Variants in PGM1 observed in about 807,000 individuals in gnomAD.
The protein encoded by PGM1 is phosphoglucomutase-1.
In PGM1, 52 loss-of-function variants were observed where a neutral mutation model predicts 55.6. The ratio of observed to expected loss-of-function variants is 0.94; its 90% CI spans 0.75 to 1.18. PGM1 has a LOEUF of 1.18. PGM1 is among the 50% of genes most tolerant of loss of function. PGM1 has a pLI of 0.00. For missense variants in PGM1, 724 were observed against 729.3 expected (o/e 0.99, Z 0.08); for synonymous variants, 287 against 271.7 (o/e 1.06, Z -0.55).
chr1:63,593,588 A>G lies in PGM1; in HGVS notation c.100A>G (p.Asn34Asp). ...GGTGAAGGTGTTCCAGAGCAGCGCC[A>G]ACTACGCGGAGAACTTCATCCAGAG... is the stretch of plus-strand genomic sequence containing the variant. Reference protein sequence around the residue: ...KRVKVFQSSANYAENFIQSII... With the variant: ...KRVKVFQSSADYAENFIQSII... Residue 34 changes from asparagine to aspartate, a missense_variant, in exon 1 of 11, where the codon AAC becomes GAC. This residue lies in a region of PGM1 where 379 missense variants were observed against 357.5 expected (regional missense o/e 1.06). Coordinates refer to ENST00000371084, the MANE Select transcript of PGM1 (RefSeq NM_002633.3). 15 of 1,613,690 alleles carry G rather than the reference A, an allele frequency of 9.3e-6. No individual in the cohort carries two copies. The highest frequency in any genetic ancestry group is 1.2e-5 in the Non-Finnish European group (14 of 1,179,910).
At chr1:63,655,532 G>C (rs1293932753) in intron 10 of PGM1, among the ~76,000 whole-genome samples, 1 of 152,192 alleles carries the variant, frequency 6.6e-6, no homozygotes, top group East Asian at 1.9e-4. Context: ...GGGACTCTGG[G>C]AGCAAAGGGT....
At chr1:63,623,761 G>T (rs77043134) in intron 1 of PGM1, 4 of 1,602,262 alleles carry the variant, frequency 2.5e-6, no homozygotes, top group Admixed American at 1.7e-5. Flanking sequence ...TGCCAATGGG[G>T]TGGGTATATG....
chr1:63,654,338 C>T lies in PGM1; in HGVS notation c.1471C>T (p.Arg491Cys), dbSNP rs758642092. 16 of 1,613,686 alleles carry T rather than the reference C, an allele frequency of 9.9e-6. No homozygotes were observed. In the African/African-American group the frequency reaches 1.5e-4, roughly 15 times the overall value. Residue 491 changes from arginine to cysteine, a missense_variant, in exon 10 of 11, where the codon CGC (arginine) becomes TGC (cysteine). Around this residue, in one of 3 missense-constraint regions of PGM1, gnomAD observed 316 missense variants for 313.1 expected, o/e 1.01. Transcript: ENST00000371084. Reference sequence around the variant, plus strand: ...CTCTGCTTATCTTTTCCAGGGCTTGCGCCTCATTTTCACAGATGGTTCTCG... The same window carrying T: ...CTCTGCTTATCTTTTCCAGGGCTTGTGCCTCATTTTCACAGATGGTTCTCG... ...DGSISRNQGL[R>C]LIFTDGSRIV...
At position 63,656,592 on chromosome 1, in the gene PGM1, GTGTGTGTGTGTGTGTA is replaced by G. The variant is rs554847641; in HGVS notation, c.1599+2128_1599+2143del. ...TTGTGGTGTGTGTGTGTGTGTGTGT[GTGTGTGTGTGTGTGTA>G]TACCACAATGGAAAATTATTCTGCC... On this transcript the variant is annotated intron_variant, in intron 10 of 10. Transcript: ENST00000371084. Among the ~76,000 whole-genome samples the G allele has an allele frequency of 5.0e-3, 737 of 147,604 alleles. 6 individuals are homozygous for G. The highest frequency in any genetic ancestry group is 5.5e-3 in the Non-Finnish European group (373 of 67,840).
chr1:63,633,904 G>A (rs56227768), intron 4 of PGM1, among the ~76,000 whole-genome samples: 11 of 36,010 alleles, frequency 3.1e-4, no homozygotes, highest in African/African-American at 1.1e-3. Context: ...GTGTGTGTGT[G>A]TGTGTGTGTG....
intron 1 of PGM1, among the ~76,000 whole-genome samples, chr1:63,622,023 C>G (rs1365449673): frequency 6.6e-6 from 1 of 152,128 alleles, no homozygotes; most frequent in Non-Finnish European, 1.5e-5. Context: ...ATTCACTTTT[C>G]CCTTCAAAAC....
chr1:63,613,456 G>A (rs998279977), intron 1 of PGM1, among the ~76,000 whole-genome samples: 1 of 151,972 alleles, frequency 6.6e-6, no homozygotes, highest in African/African-American at 2.4e-5. Context: ...CCTCTTCCTA[G>A]CTTCTGGTGG....
At chr1:63,626,181 C>T (rs1342231736) in intron 1 of PGM1, among the ~76,000 whole-genome samples, 3 of 152,076 alleles carry the variant, frequency 2.0e-5, no homozygotes, top group East Asian at 3.9e-4. Context: ...AGGGGGTTAT[C>T]TCTAACTTGG....
chr1:63,652,878 T>C (rs975111699), intron 9 of PGM1, among the ~76,000 whole-genome samples: 1 of 152,194 alleles, frequency 6.6e-6, no homozygotes, highest in African/African-American at 2.4e-5. Flanking sequence ...TTGTGAGAAC[T>C]TGGGGTCCAG....
At chr1:63,609,933 A>C (rs754316018) in intron 1 of PGM1, among the ~76,000 whole-genome samples, 16 of 152,186 alleles carry the variant, frequency 1.1e-4, no homozygotes, top group Non-Finnish European at 1.9e-4. Context: ...GATATTTTCA[A>C]CTTACAATGG....
intron 1 of PGM1, among the ~76,000 whole-genome samples, chr1:63,627,158 G>A (rs137881063): frequency 1.5e-3 from 230 of 150,178 alleles, no homozygotes; most frequent in African/African-American, 5.2e-3. Flanking sequence ...AGACGTTAGC[G>A]TTCTTTCCAC....
chr1:63,639,854 T>C (rs1649468278), intron 7 of PGM1, among the ~76,000 whole-genome samples: 1 of 152,160 alleles, frequency 6.6e-6, no homozygotes, highest in Admixed American at 6.5e-5. Context: ...GAGGCACATA[T>C]TTACAGAGTT....
At chr1:63,633,918 G>GTGTGTGTGTGTGTGTA (rs1407304546) in intron 4 of PGM1, among the ~76,000 whole-genome samples, 1 of 26,756 alleles carries the variant, frequency 3.7e-5, no homozygotes, top group Non-Finnish European at 7.1e-5. Flanking sequence ...GTGTGTGTGT[G>GTGTGTGTGTGTGTGTA]TATATATATA....
chr1:63,598,651 TA>T lies in PGM1; in HGVS notation c.246+4918del, dbSNP rs1648149088. Among the ~76,000 whole-genome samples the T allele has an allele frequency of 2.0e-5, 3 of 152,232 alleles. No homozygotes were observed. In the South Asian group the frequency reaches 6.2e-4, roughly 32 times the overall value. On this transcript the variant is annotated intron_variant, in intron 1 of 10. Coordinates refer to ENST00000371084, the MANE Select transcript of PGM1 (RefSeq NM_002633.3). ...GAGGTGCTAAATTTCAGTTAGATGT[TA>T]GTGAAAATAAAGATTGTTTTGTTTA...
Position 63,638,756 on chromosome 1 carries a change from A to G in PGM1, c.1100A>G (p.Asp367Gly), listed in dbSNP as rs1398561932. ...TGWKFFGNLMDASKLSLCGEE... is the reference protein window; with the variant it reads ...TGWKFFGNLMGASKLSLCGEE... ...TGGAAGTTTTTTGGGAATTTGATGGACGCGAGCAAACTGTCCCTTTGTGGG... is the reference window on the plus strand; with the variant it reads ...TGGAAGTTTTTTGGGAATTTGATGGGCGCGAGCAAACTGTCCCTTTGTGGG... The change falls in exon 7 of 11, where the codon GAC becomes GGC. Residue 367 changes from aspartate (D) to glycine (G), a missense_variant. Asp to Gly is a moderately conservative substitution (Grantham distance 94). Coordinates refer to ENST00000371084, the MANE Select transcript of PGM1 (RefSeq NM_002633.3). 6.2e-7 allele frequency: 1 copy of G among 1,614,122 alleles called. No homozygotes were observed. The highest frequency in any genetic ancestry group is 1.1e-5 in the South Asian group (1 of 91,078).
intron 5 of PGM1, among the ~76,000 whole-genome samples, chr1:63,635,643 T>C (rs974909777): frequency 6.6e-6 from 1 of 152,274 alleles, no homozygotes; most frequent in African/African-American, 2.4e-5. Context: ...ATTTTTGTTG[T>C]TGCTAGTGTT....
At chr1:63,619,002 T>C (rs1370526102) in intron 1 of PGM1, among the ~76,000 whole-genome samples, 9 of 152,194 alleles carry the variant, frequency 5.9e-5, no homozygotes, top group Non-Finnish European at 1.5e-5. Context: ...CTCTCACATA[T>C]TGTCAGGCTG....
chr1:63,623,541 A>C (rs750922960), intron 1 of PGM1: 1 of 1,612,802 alleles, frequency 6.2e-7, no homozygotes, highest in South Asian at 1.1e-5. Context: ...CTTTTGCTAC[A>C]GCTCCCTACC....
At chr1:63,650,299 A>G (rs746030483) in intron 8 of PGM1, among the ~76,000 whole-genome samples, 1 of 152,198 alleles carries the variant, frequency 6.6e-6, no homozygotes, top group African/African-American at 2.4e-5. Context: ...CACAATTAAT[A>G]GCCAATAGAG....
Sources: gnomAD v4.1 joint callset for allele counts (sites outside exome capture counted in the v4.1 genomes callset) on GRCh38, gnomAD v4.1.1 for gene constraint, gnomAD v4.1.1 regional missense constraint, MANE v1.5 for transcripts, NCBI Gene and HGNC (gene_info 2026-07-23, HGNC 2026-07-21) for gene names.